PFAS: variants seen among roughly 807,000 people sequenced by gnomAD.
PFAS encodes the protein phosphoribosylformylglycinamidine synthase.
PFAS carries 97 observed loss-of-function variants against 140.6 expected under a neutral mutation model. That is an observed-to-expected ratio of 0.69 (90% CI 0.59 to 0.82). The LOEUF is 0.82. Among genes scored for constraint, PFAS ranks in the 40% least tolerant of loss-of-function variants. PFAS has a pLI of 0.00. For synonymous variants in PFAS, 679 were observed against 718.8 expected (o/e 0.94, Z 0.88); for missense variants, 1,656 against 1,780.2 (o/e 0.93, Z 1.26).
At position 8,256,252 on chromosome 17, in the gene PFAS, C is replaced by A; in HGVS notation, c.681-15C>A. ...GTTTCCACCTGCCTTCCCCTCCCTGCATCGCCCCCTGCAGCGAGCACAGCC... is the reference window on the plus strand; with the variant it reads ...GTTTCCACCTGCCTTCCCCTCCCTGAATCGCCCCCTGCAGCGAGCACAGCC... On this transcript the variant is annotated splice_polypyrimidine_tract_variant and intron_variant, in intron 6 of 27. Coordinates refer to ENST00000314666, the MANE Select transcript of PFAS (RefSeq NM_012393.3). 6.2e-7 allele frequency: 1 copy of A among 1,612,454 alleles called. No individual in the cohort carries two copies. The highest frequency in any genetic ancestry group is 8.5e-7 in the Non-Finnish European group (1 of 1,179,320).
Position 8,252,750 on chromosome 17 carries a change from T to G in PFAS, c.-79-1109T>G, listed in dbSNP as rs1427217367. ...TTCCCACCTCAGCCTCCCTAGTTGC[T>G]GGGACTACAGGCACATGCCAGCACA... On this transcript the variant is annotated intron_variant, in intron 1 of 27. Coordinates refer to ENST00000314666, the MANE Select transcript of PFAS (RefSeq NM_012393.3). Among the ~76,000 whole-genome samples, 3 of 152,028 alleles carry G rather than the reference T, an allele frequency of 2.0e-5. No individual in the cohort carries two copies. The East Asian group carries it at 5.8e-4, about 29-fold the overall frequency.
intron 1 of PFAS, among the ~76,000 whole-genome samples, chr17:8,252,578 T>A (rs1989199991): frequency 6.6e-6 from 1 of 151,146 alleles, no homozygotes; most frequent in South Asian, 2.1e-4. Flanking sequence ...TAATTTTGTA[T>A]TTTTTTTAGT....
Position 8,266,727 on chromosome 17 carries a change from CCT to C in PFAS, c.2822-25_2822-24del, listed in dbSNP as rs1989829141. 1 of 1,578,942 alleles carries C rather than the reference CCT, an allele frequency of 6.3e-7. No homozygotes were observed. The highest frequency in any genetic ancestry group is 8.6e-7 in the Non-Finnish European group (1 of 1,164,092). ...ACTCCCTTGGCCCTTCTTGCATCCCCCTGACTCCCCACATTGCTCTCCCAGTC... is the reference window on the plus strand; with the variant it reads ...ACTCCCTTGGCCCTTCTTGCATCCCCGACTCCCCACATTGCTCTCCCAGTC... On this transcript the variant is annotated intron_variant, in intron 22 of 27. Transcript: ENST00000314666. This position sits in a 1 kb window ranked among gnomAD's most constrained non-coding sequence, Gnocchi z 5.0.
chr17:8,266,423 A>G lies in PFAS; in HGVS notation c.2821+70A>G. ...ACCCTGCAGACCCCATTTCCAATAT[A>G]TTAAAGAGTGGAGTGCCCTCCAGTC... On this transcript the variant is annotated intron_variant, in intron 22 of 27. Coordinates refer to ENST00000314666, the MANE Select transcript of PFAS (RefSeq NM_012393.3). This position sits in a 1 kb window ranked among gnomAD's most constrained non-coding sequence, Gnocchi z 5.0. 1 of 1,595,622 alleles carries G rather than the reference A, an allele frequency of 6.3e-7. No homozygotes were observed. Among genetic ancestry groups the G allele is most frequent in the Non-Finnish European group, 8.5e-7 (1 of 1,170,136 alleles).
chr17:8,264,005 G>A (rs1390972382), intron 15 of PFAS, 69 bp downstream of exon 15: 7 of 1,562,182 alleles, frequency 4.5e-6, no homozygotes, highest in Non-Finnish European at 5.3e-6. Flanking sequence ...TGGGCTAGAG[G>A]GAGAGCTGTC....
At chr17:8,248,410 A>ATTTTTTTTTTTTTTTTTTTTT (rs35534210), upstream of PFAS, among the ~76,000 whole-genome samples, 27 of 67,642 alleles carry the variant, frequency 4.0e-4, 1 homozygote, top group African/African-American at 7.1e-4. Context: ...CGCCCGGCTA[A>ATTTTTTTTTTTTTTTTTTTTT]TTTTTTTTTT....
At chr17:8,261,259 C>G (rs547903520) in intron 11 of PFAS, among the ~76,000 whole-genome samples, 1 of 150,550 alleles carries the variant, frequency 6.6e-6, no homozygotes, top group Non-Finnish European at 1.5e-5. Context: ...TTTGTAGAGA[C>G]AGAGTCTTGC....
intron 9 of PFAS, among the ~76,000 whole-genome samples, chr17:8,257,557 A>G (rs1989423511): frequency 6.6e-6 from 1 of 151,040 alleles, no homozygotes; most frequent in Non-Finnish European, 1.5e-5. Context: ...CTCCATCTCA[A>G]AAAAAAAAAC....
rs1989669124 is a variant in PFAS at position 8,263,278 on chromosome 17, G to A, written c.1567+13G>A. ...GCTGGTGGCAATGGTGAGGAAAGGA[G>A]TTGGAACAAGAGACTGGGCCTGCCT... On this transcript the variant is annotated intron_variant, in intron 13 of 27. Transcript: ENST00000314666. 1.2e-6 allele frequency: 2 copies of A among 1,613,960 alleles called. No individual in the cohort carries two copies. Among genetic ancestry groups the A allele is most frequent in the Non-Finnish European group, 1.7e-6 (2 of 1,179,936 alleles).
At chr17:8,247,704 T>G, upstream of PFAS, 1 of 383,972 alleles carries the variant, frequency 2.6e-6, no homozygotes, top group Non-Finnish European at 4.8e-6. Context: ...GTCAAGGGTC[T>G]TCTCCAGGAA....
chr17:8,252,530 A>G (rs758412618), intron 1 of PFAS, among the ~76,000 whole-genome samples: 44 of 150,724 alleles, frequency 2.9e-4, no homozygotes, highest in Admixed American at 4.0e-4. Flanking sequence ...CAGCCTCTCA[A>G]TTAGCTGTGA....
intron 9 of PFAS, among the ~76,000 whole-genome samples, chr17:8,257,499 T>A (rs1989419921): frequency 6.6e-6 from 1 of 151,790 alleles, no homozygotes; most frequent in Admixed American, 6.6e-5. Context: ...GAGCTTTCAG[T>A]GAGCCAAGAT....
rs947380732 is a variant in PFAS, at chr17:8,265,187, C to T, written c.2280+62C>T. ...GGCTTCAGGACCCTTCCACATCCAT[C>T]TGTAGCCCTTCATTTCATGTTGCAA... On this transcript the variant is annotated intron_variant, in intron 18 of 27. Transcript: ENST00000314666. The T allele has an allele frequency of 7.7e-6, 12 of 1,562,530 alleles. No homozygotes were observed. The South Asian group carries it at 1.1e-4, about 15-fold the overall frequency.
chr17:8,267,417 A>G lies in PFAS; in HGVS notation c.3221A>G (p.Asn1074Ser), dbSNP rs1010280252. ...RVAILREEGSNGDREMADAFH... is the reference protein window; with the variant it reads ...RVAILREEGSSGDREMADAFH... ...GCCATCTTGCGAGAGGAGGGCAGTA[A>G]TGGAGACCGGGAGATGGCCGATGCC... The change falls in exon 25 of 28, where the codon AAT becomes AGT. Residue 1074 changes from asparagine (N) to serine (S), a missense_variant. Physicochemically the swap from Asn to Ser is conservative, Grantham distance 46. Coordinates refer to ENST00000314666, the MANE Select transcript of PFAS (RefSeq NM_012393.3). This position sits in a 1 kb window ranked among gnomAD's most constrained non-coding sequence, Gnocchi z 4.9. 5 of 1,614,028 alleles carry G rather than the reference A, an allele frequency of 3.1e-6. No individual in the cohort carries two copies. The African/African-American group carries it at 5.3e-5, about 17-fold the overall frequency.
chr17:8,267,392 G>T lies in PFAS; in HGVS notation c.3196G>T (p.Ala1066Ser), dbSNP rs374736416. The change falls in exon 25 of 28, where the codon GCC becomes TCC. Residue 1066 changes from alanine (A) to serine (S), a missense_variant. Coordinates refer to ENST00000314666, the MANE Select transcript of PFAS (RefSeq NM_012393.3). This position sits in a 1 kb window ranked among gnomAD's most constrained non-coding sequence, Gnocchi z 4.9. ...CCAAGGTGGTCCCAGCCCCCGAGTC[G>T]CCATCTTGCGAGAGGAGGGCAGTAA... ...REPGGPSPRV[A>S]ILREEGSNGD... 1.2e-5 allele frequency: 19 copies of T among 1,614,054 alleles called. No individual in the cohort carries two copies. The Middle Eastern group carries it at 6.6e-4, about 56-fold the overall frequency.
intron 2 of PFAS, 42 bp downstream of exon 2, chr17:8,254,121 G>C (rs370031017): frequency 1.9e-6 from 3 of 1,613,770 alleles, no homozygotes; most frequent in Non-Finnish European, 1.7e-6. Flanking sequence ...ATGCCTCGGT[G>C]CTGGGGGCAG....
At position 8,256,906 on chromosome 17, in the gene PFAS, G is replaced by A. The variant is rs1179112390; in HGVS notation, c.1018G>A (p.Gly340Arg). ...RIRDVQCTGR[G>R]AHVVAGTAGY... The stretch of plus-strand genomic sequence containing the variant: ...TCGAGATGTCCAGTGCACAGGCCGC[G>A]GGGCCCACGTGGTGGCTGGCACTGC... Residue 340 changes from glycine to arginine, a missense_variant, in exon 9 of 28, where the codon GGG (glycine) becomes AGG (arginine). Gly to Arg is a moderately radical substitution (Grantham distance 125). Around this residue, in one of 2 missense-constraint regions of PFAS, gnomAD observed 773 missense variants for 757.3 expected, o/e 1.02. Transcript: ENST00000314666. The A allele has an allele frequency of 2.5e-6, 4 of 1,614,138 alleles. No individual in the cohort carries two copies. Among genetic ancestry groups the A allele is most frequent in the South Asian group, 1.1e-5 (1 of 91,090 alleles).
At position 8,263,776 on chromosome 17, in the gene PFAS, T is replaced by A. The variant is rs762185572; in HGVS notation, c.1631T>A (p.Leu544His). Residue 544 changes from leucine to histidine, a missense_variant and splice_region_variant, in exon 15 of 28, where the codon CTT becomes CAT. Leu to His is a moderately conservative substitution (Grantham distance 99, BLOSUM62 -3). Coordinates refer to ENST00000314666, the MANE Select transcript of PFAS (RefSeq NM_012393.3). ...TTCCTCCCCGCCGTGGCTGTGCAGC[T>A]TGGGGACCCAACCCTGAATGCCCTG... The part of the protein sequence containing the change: ...GAIIYTSRFQ[L>H]GDPTLNALEI... 3 of 1,613,114 alleles carry A rather than the reference T, an allele frequency of 1.9e-6. No homozygotes were observed. The highest frequency in any genetic ancestry group is 2.5e-6 in the Non-Finnish European group (3 of 1,179,444).
intron 18 of PFAS, 33 bp downstream of exon 18, chr17:8,265,158 C>T: frequency 6.3e-7 from 1 of 1,590,082 alleles, no homozygotes; most frequent in Non-Finnish European, 8.6e-7. Flanking sequence ...TCCTGGAGCC[C>T]CCGGGCTTCA....
Sources: allele counts gnomAD v4.1 joint callset (sites outside exome capture counted in the v4.1 genomes callset), GRCh38; gene constraint gnomAD v4.1.1; regional missense constraint gnomAD v4.1.1; non-coding constraint Gnocchi (gnomAD v3.1); transcripts MANE v1.5; gene names NCBI Gene and HGNC (gene_info 2026-07-23, HGNC 2026-07-21).